The following GPHN variants were observed in gnomAD, a reference collection of about 807,000 sequenced individuals.
GPHN encodes gephyrin.
In GPHN, 17 loss-of-function variants were observed where a neutral mutation model predicts 95.5. The observed-to-expected ratio is 0.18, with a 90% CI of 0.12 to 0.27. The LOEUF is 0.27. Ranked by LOEUF, GPHN falls within the 10% of genes least tolerant of loss-of-function variation. The probability of loss-of-function intolerance (pLI) is 1.00; values close to 1 mark genes in which losing one functional copy is unlikely to be tolerated. For missense variants in GPHN, 660 were observed against 978.1 expected (o/e 0.67, Z 4.34); for synonymous variants, 320 against 322.5 (o/e 0.99, Z 0.08).
At chr14:66,542,009 C>T in intron 1 of GPHN, among the ~76,000 whole-genome samples, 1 of 152,144 alleles carries the variant, frequency 6.6e-6, no homozygotes, top group Admixed American at 6.5e-5. Context: ...ATCACTTTCT[C>T]TTCTGTCCAA....
intron 2 of GPHN, among the ~76,000 whole-genome samples, chr14:66,728,662 G>A (rs1440720462): frequency 2.0e-5 from 3 of 152,192 alleles, no homozygotes; most frequent in Non-Finnish European, 4.4e-5. Context: ...TCTCCCATTT[G>A]TAAGGGCTGT....
chr14:67,642,453 GA>G, the GPHN span: 1 of 1,428,556 alleles, frequency 7.0e-7, no homozygotes, highest in South Asian at 1.3e-5. Context: ...TTCATCTGGA[GA>G]AAAATACCCT....
chr14:67,679,657 G>A, the GPHN span, among the ~76,000 whole-genome samples: 1 of 152,104 alleles, frequency 6.6e-6, no homozygotes, highest in Non-Finnish European at 1.5e-5. Context: ...ACCTGCCTCG[G>A]CCTCCCAAAG....
chr14:67,275,335 A>G, the GPHN span, among the ~76,000 whole-genome samples: 252 of 152,204 alleles, frequency 1.7e-3, no homozygotes, highest in African/African-American at 5.6e-3. Flanking sequence ...ATGAAGGGCT[A>G]TTGAATTTTG....
At chr14:67,398,544 A>C in the GPHN span, among the ~76,000 whole-genome samples, 75 of 147,962 alleles carry the variant, frequency 5.1e-4, no homozygotes, top group Non-Finnish European at 9.4e-4. Context: ...CTGAGAACCA[A>C]CTAAACTACC....
intron 1 of GPHN, among the ~76,000 whole-genome samples, chr14:66,667,631 C>T (rs191713829): frequency 5.3e-5 from 8 of 152,302 alleles, no homozygotes; most frequent in Admixed American, 3.3e-4. Flanking sequence ...CCCTTCCTGA[C>T]ACCATACACA....
chr14:66,666,031 C>G (rs908468940), intron 1 of GPHN, among the ~76,000 whole-genome samples: 1 of 143,248 alleles, frequency 7.0e-6, no homozygotes, highest in African/African-American at 2.6e-5. Flanking sequence ...TGTTCTCACT[C>G]ATAGGTGGGA....
At chr14:66,752,053 C>T (rs1262923403) in intron 2 of GPHN, among the ~76,000 whole-genome samples, 1 of 152,084 alleles carries the variant, frequency 6.6e-6, no homozygotes, top group Non-Finnish European at 1.5e-5. Context: ...CTTCTTAAAC[C>T]TCATGAAGCA....
chr14:67,657,949 A>G, the GPHN span, among the ~76,000 whole-genome samples: 1 of 151,918 alleles, frequency 6.6e-6, no homozygotes, highest in Non-Finnish European at 1.5e-5. Context: ...GGGTTTCACC[A>G]TGTTGGCCAG....
At chr14:67,574,552 A>C in the GPHN span, 2 of 590,774 alleles carry the variant, frequency 3.4e-6, no homozygotes, top group Non-Finnish European at 5.5e-6. This position sits in a 1 kb window ranked among gnomAD's most constrained non-coding sequence, Gnocchi z 4.2. Context: ...CAGCCCTCAA[A>C]CGTGGTCTGG....
At chr14:67,061,328 G>A (rs1021557835) in intron 11 of GPHN, among the ~76,000 whole-genome samples, 3 of 151,976 alleles carry the variant, frequency 2.0e-5, no homozygotes, top group Non-Finnish European at 4.4e-5. Flanking sequence ...GAGCCAATGC[G>A]CCTGGCCCAG....
chr14:67,102,828 A>G (rs1216287795), intron 13 of GPHN, among the ~76,000 whole-genome samples: 1 of 152,196 alleles, frequency 6.6e-6, no homozygotes, highest in Non-Finnish European at 1.5e-5. Flanking sequence ...GGATGATGCC[A>G]ATGGTGTTGA....
chr14:67,634,177 A>G, the GPHN span, among the ~76,000 whole-genome samples: 1 of 152,108 alleles, frequency 6.6e-6, no homozygotes, highest in Non-Finnish European at 1.5e-5. Context: ...AGTTTTCCCA[A>G]ACCAGTATTT....
intron 3 of GPHN, 126 bp downstream of exon 3, chr14:66,776,647 A>G (rs1319521525): frequency 1.4e-6 from 1 of 720,194 alleles, no homozygotes; most frequent in Non-Finnish European, 2.5e-6. Flanking sequence ...CTCAGTTATC[A>G]TAGTGAATTA....
chr14:66,616,646 C>G lies in GPHN; in HGVS notation c.65-64461C>G, dbSNP rs561416890. Among the ~76,000 whole-genome samples, 6 of 152,178 alleles carry G rather than the reference C, an allele frequency of 3.9e-5. No individual in the cohort carries two copies. The South Asian group carries it at 1.2e-3, about 32-fold the overall frequency. On this transcript the variant is annotated intron_variant, in intron 1 of 22. Coordinates refer to ENST00000478722, the MANE Select transcript of GPHN (RefSeq NM_020806.5). Reference sequence around the variant, plus strand: ...CCAGCCTATGCCAGTAGGATTGCTCCTGTATAGGGTGTCTGACAACCCCTG... The same window carrying G: ...CCAGCCTATGCCAGTAGGATTGCTCGTGTATAGGGTGTCTGACAACCCCTG...
At chr14:67,397,602 G>C in the GPHN span, 3 of 1,429,334 alleles carry the variant, frequency 2.1e-6, no homozygotes, top group Non-Finnish European at 2.9e-6. Flanking sequence ...TTCCCAAAGA[G>C]GCCAGAGGTG....
chr14:67,492,031 C>T, the GPHN span, among the ~76,000 whole-genome samples: 82 of 152,330 alleles, frequency 5.4e-4, 1 homozygote, highest in Middle Eastern at 0.01. Flanking sequence ...CATCTCACCC[C>T]ACTGTCTTCT....
chr14:67,693,983 T>A, the GPHN span, among the ~76,000 whole-genome samples: 1 of 152,170 alleles, frequency 6.6e-6, no homozygotes, highest in Non-Finnish European at 1.5e-5. Context: ...TATACTATAT[T>A]GCCTTTTCCA....
intron 4 of GPHN, among the ~76,000 whole-genome samples, chr14:66,876,896 G>A (rs552928205): frequency 2.0e-5 from 3 of 152,178 alleles, no homozygotes; most frequent in Admixed American, 1.3e-4. Flanking sequence ...CTTACTCTAC[G>A]AGGCCAGCAT....
Sources: gnomAD v4.1 joint callset for allele counts (sites outside exome capture counted in the v4.1 genomes callset) on GRCh38, gnomAD v4.1.1 for gene constraint, Gnocchi (gnomAD v3.1) non-coding constraint, MANE v1.5 for transcripts, NCBI Gene and HGNC (gene_info 2026-07-23, HGNC 2026-07-21) for gene names.